CFAP96: variants seen among roughly 807,000 people sequenced by gnomAD.
The protein encoded by CFAP96 is cilia-and flagella-associated protein 96.
chr4:185,410,045 A>G, the CFAP96 span, among the ~76,000 whole-genome samples: 1 of 152,214 alleles, frequency 6.6e-6, no homozygotes, highest in Non-Finnish European at 1.5e-5. Context: ...CAAATATGTT[A>G]TTATTTTTTA....
the CFAP96 span, chr4:185,426,318 T>TAACGTGGACAAGCTGGGGC: frequency 1.1e-4 from 17 of 159,866 alleles, no homozygotes; most frequent in African/African-American, 3.1e-4. Flanking sequence ...GCAGCGCAGT[T>TAACGTGGACAAGCTGGGGC]AACGTGGACA....
At chr4:185,449,727 GT>G in the CFAP96 span, 1 of 949,224 alleles carries the variant, frequency 1.1e-6, no homozygotes. Context: ...AATATAAGAT[GT>G]TATGGAGCAG....
the CFAP96 span, among the ~76,000 whole-genome samples, chr4:185,421,954 A>C: frequency 1.3e-5 from 2 of 152,340 alleles, no homozygotes; most frequent in African/African-American, 4.8e-5. Flanking sequence ...AAATGAAACA[A>C]ATCTCAAACA....
chr4:185,434,985 C>T, the CFAP96 span, among the ~76,000 whole-genome samples: 1 of 152,016 alleles, frequency 6.6e-6, no homozygotes, highest in Non-Finnish European at 1.5e-5. Context: ...AGGTGATCTG[C>T]CCACCTCAGC....
chr4:185,439,968 T>C, the CFAP96 span, among the ~76,000 whole-genome samples: 11 of 142,850 alleles, frequency 7.7e-5, no homozygotes, highest in Admixed American at 4.3e-4. Context: ...TATACATATA[T>C]GTATATGTGT....
the CFAP96 span, among the ~76,000 whole-genome samples, chr4:185,419,515 A>C: frequency 1.3e-5 from 2 of 152,202 alleles, no homozygotes; most frequent in African/African-American, 2.4e-5. Context: ...AATCCCATTC[A>C]ATCCACTTAC....
the CFAP96 span, among the ~76,000 whole-genome samples, chr4:185,428,398 A>G: frequency 0.071 from 10,779 of 151,910 alleles, 660 homozygotes; most frequent in African/African-American, 0.16. Context: ...ACATAGTTAA[A>G]CCCTGTCTCT....
At chr4:185,409,736 C>T in the CFAP96 span, among the ~76,000 whole-genome samples, 2 of 152,110 alleles carry the variant, frequency 1.3e-5, no homozygotes, top group African/African-American at 4.8e-5. Context: ...TATTCATAGA[C>T]GTGATTAAGG....
the CFAP96 span, among the ~76,000 whole-genome samples, chr4:185,446,365 G>A: frequency 6.6e-6 from 1 of 152,106 alleles, no homozygotes; most frequent in Non-Finnish European, 1.5e-5. Flanking sequence ...TTGATAATTT[G>A]GGGTGCTCTA....
chr4:185,447,356 AT>A, the CFAP96 span, among the ~76,000 whole-genome samples: 4 of 151,420 alleles, frequency 2.6e-5, no homozygotes. Flanking sequence ...TAATTTTTGT[AT>A]TTTTAGTAGA....
the CFAP96 span, among the ~76,000 whole-genome samples, chr4:185,426,879 CAAAAAAAAAAAAAAAAA>C: frequency 5.9e-4 from 41 of 69,040 alleles, 1 homozygote; most frequent in South Asian, 0.011. Context: ...CTAAAAATAC[CAAAAAAAAAAAAAAAAA>C]AAAAAAAAAA....
the CFAP96 span, among the ~76,000 whole-genome samples, chr4:185,422,231 T>G: frequency 6.6e-6 from 1 of 152,236 alleles, no homozygotes; most frequent in Non-Finnish European, 1.5e-5. Context: ...ACATTTATTG[T>G]AACAATTAAT....
At chr4:185,413,866 G>A in the CFAP96 span, 1 of 1,599,318 alleles carries the variant, frequency 6.3e-7, no homozygotes, top group Non-Finnish European at 8.5e-7. Context: ...AAAAGATCAT[G>A]TAACTCCTAA....
the CFAP96 span, chr4:185,435,982 A>C: frequency 7.9e-7 from 1 of 1,265,724 alleles, no homozygotes; most frequent in Non-Finnish European, 1.1e-6. Flanking sequence ...AATTATGATA[A>C]AATAGACTTA....
the CFAP96 span, among the ~76,000 whole-genome samples, chr4:185,438,949 C>A: frequency 6.6e-6 from 1 of 152,188 alleles, no homozygotes; most frequent in Non-Finnish European, 1.5e-5. Flanking sequence ...TCAGGTGGTT[C>A]TTTTCTTGGC....
At chr4:185,412,081 T>C in the CFAP96 span, among the ~76,000 whole-genome samples, 1 of 150,042 alleles carries the variant, frequency 6.7e-6, no homozygotes, top group Non-Finnish European at 1.5e-5. Flanking sequence ...TTTTGCTTCT[T>C]AAATTAGGGA....
the CFAP96 span, among the ~76,000 whole-genome samples, chr4:185,448,459 G>A: frequency 6.6e-6 from 1 of 152,088 alleles, no homozygotes; most frequent in African/African-American, 2.4e-5. Flanking sequence ...TGACAATTTT[G>A]TGGCATAAGT....
the CFAP96 span, chr4:185,431,891 C>A: frequency 1.8e-6 from 2 of 1,090,822 alleles, no homozygotes; most frequent in Non-Finnish European, 2.6e-6. Context: ...ATAATTGGCC[C>A]AAATCATATT....
the CFAP96 span, among the ~76,000 whole-genome samples, chr4:185,425,651 G>T: frequency 6.6e-6 from 1 of 152,224 alleles, no homozygotes; most frequent in African/African-American, 2.4e-5. Context: ...CGTGTCCAAG[G>T]TGGCCGAGGC....
Sources: allele counts gnomAD v4.1 joint callset (sites outside exome capture counted in the v4.1 genomes callset), GRCh38; gene constraint gnomAD v4.1.1; transcripts MANE v1.5; gene names NCBI Gene and HGNC (gene_info 2026-07-23, HGNC 2026-07-21).